The following BCAS2 variants were observed in gnomAD, a reference collection of about 807,000 sequenced individuals.
BCAS2 encodes the protein BCAS2 pre-mRNA processing factor.
In BCAS2, 34 loss-of-function variants were observed where a neutral mutation model predicts 35.3. That is an observed-to-expected ratio of 0.96 (90% CI 0.73 to 1.28). The LOEUF (loss-of-function observed/expected upper bound fraction) is 1.28. Among genes scored for constraint, BCAS2 ranks in the 50% most tolerant of loss-of-function variants. The pLI, the probability that BCAS2 is intolerant of heterozygous loss-of-function variation, is 0.00. For missense variants in BCAS2, 221 were observed against 268.1 expected, an observed-to-expected ratio of 0.82 and a Z score of 1.23; for synonymous variants, 75 against 91.6, an observed-to-expected ratio of 0.82 and a Z score of 1.03.
chr1:114,575,482 A>T (rs1235726022), intron 4 of BCAS2, 108 bp downstream of exon 4: 2 of 1,138,048 alleles, frequency 1.8e-6, no homozygotes, highest in East Asian at 2.7e-5. Flanking sequence ...GGCATGAGCC[A>T]CTGCACCCAG....
At position 114,567,800 on chromosome 1, in the gene BCAS2, T is replaced by C. The variant is rs917617249; in HGVS notation, c.*330A>G. On this transcript the variant is annotated 3_prime_UTR_variant, in exon 7 of 7. Transcript: ENST00000369541. ...CCAAAAATTTCCAACTTCCTGTACA[T>C]GTTGAAAGCTTTAAATAAGGATCCT... The C allele has an allele frequency of 3.2e-5, 6 of 189,672 alleles. No homozygotes were observed. In the East Asian group the frequency reaches 5.1e-4, roughly 16 times the overall value. The allele number at this position is 189,672 out of a possible 1,614,324, so 11.7% of individuals were successfully genotyped here.
At chr1:114,569,875 A>T in intron 6 of BCAS2, 117 bp downstream of exon 6, 1 of 778,604 alleles carries the variant, frequency 1.3e-6, no homozygotes, top group Non-Finnish European at 2.1e-6. Flanking sequence ...GAATTCAGAA[A>T]ATAGCATTTC....
chr1:114,573,349 C>CT (rs68165289), intron 4 of BCAS2, among the ~76,000 whole-genome samples: 2 of 150,540 alleles, frequency 1.3e-5, no homozygotes, highest in Non-Finnish European at 3.0e-5. Flanking sequence ...CTTTTTTTTT[C>CT]TTTTTTTTGA....
chr1:114,568,755 C>CTTTTTTTTTT (rs67319421), intron 6 of BCAS2, among the ~76,000 whole-genome samples: 2 of 83,246 alleles, frequency 2.4e-5, no homozygotes, highest in African/African-American at 4.5e-5. Flanking sequence ...TCTCTGTATT[C>CTTTTTTTTTT]TTTTTTTTTT....
In BCAS2 at chr1:114,568,160, T is replaced by C. The variant is rs367913663; in HGVS notation, c.648A>G (p.Ala216=). 1.9e-6 allele frequency: 3 copies of C among 1,613,124 alleles called. No individual in the cohort carries two copies. Among genetic ancestry groups the C allele is most frequent in the Non-Finnish European group, 2.5e-6 (3 of 1,180,008 alleles). ...IYQIKQQHGE[A]NKENIRQDF is the part of the protein sequence containing the mutation. ...AGTCTTGCCGGATGTTTTCTTTGTT[T>C]GCCTCTCCATGTTGCTGCTTAATTT... is the stretch of plus-strand genomic sequence containing the variant. Residue 216 remains alanine (A), a synonymous_variant, in exon 7 of 7, where the codon GCA becomes GCG. Transcript: ENST00000369541.
intron 1 of BCAS2, 47 bp downstream of exon 1, chr1:114,581,452 C>T: frequency 6.2e-7 from 1 of 1,613,940 alleles, no homozygotes; most frequent in African/African-American, 1.3e-5. Flanking sequence ...TCTTTCAGTA[C>T]CGAGCCAGCT....
intron 2 of BCAS2, among the ~76,000 whole-genome samples, chr1:114,579,534 T>C (rs1654839257): frequency 2.6e-5 from 4 of 152,286 alleles, no homozygotes; most frequent in South Asian, 4.1e-4. Context: ...AGAAAAAGCA[T>C]AGGAAAACAC....
chr1:114,574,534 A>C (rs141805150), intron 4 of BCAS2, among the ~76,000 whole-genome samples: 1 of 152,380 alleles, frequency 6.6e-6, no homozygotes, highest in Non-Finnish European at 1.5e-5. Context: ...GAATATGTAT[A>C]TATTTCCCCT....
At chr1:114,572,934 G>A (rs1654675578) in intron 4 of BCAS2, among the ~76,000 whole-genome samples, 1 of 151,928 alleles carries the variant, frequency 6.6e-6, no homozygotes, top group African/African-American at 2.4e-5. Context: ...CCAACATGGT[G>A]AAACCCCGTC....
Position 114,570,756 on chromosome 1 carries a change from G to C in BCAS2, c.420-6C>G. On this transcript the variant is annotated splice_region_variant and splice_polypyrimidine_tract_variant and intron_variant, in intron 4 of 6. Coordinates refer to ENST00000369541, the MANE Select transcript of BCAS2 (RefSeq NM_005872.3). ...CAATCATATGAACTAGATTTCTGAA[G>C]GAAAAGAGGAAAATCAGATTAAAAT... is the stretch of plus-strand genomic sequence containing the variant. The C allele has an allele frequency of 6.4e-7, 1 of 1,566,238 alleles. No homozygotes were observed. Among genetic ancestry groups the C allele is most frequent in the Non-Finnish European group, 8.7e-7 (1 of 1,146,384 alleles).
rs11312455 is a variant in BCAS2 at position 114,579,928 on chromosome 1, C to CT, written c.186+1370dup. On this transcript the variant is annotated intron_variant, in intron 2 of 6. Coordinates refer to ENST00000369541, the MANE Select transcript of BCAS2 (RefSeq NM_005872.3). Reference sequence around the variant, plus strand: ...CATGTTACTTTAATGTAAATAATATCTTTTTTTTTTTTTTTCCCTTTGAGA... The same window carrying CT: ...CATGTTACTTTAATGTAAATAATATCTTTTTTTTTTTTTTTTCCCTTTGAGA... Among the ~76,000 whole-genome samples, 1,163 of 143,074 alleles carry CT rather than the reference C, an allele frequency of 8.1e-3. 8 individuals are homozygous for CT. Among genetic ancestry groups the CT allele is most frequent in the Non-Finnish European group, 0.012 (760 of 64,948 alleles). The allele number at this position is 143,074 out of a possible 152,430, so 93.9% of individuals were successfully genotyped here.
intron 6 of BCAS2, 37 bp from the exon 7 acceptor site, chr1:114,568,293 A>G (rs759787077): frequency 2.6e-5 from 41 of 1,597,126 alleles, no homozygotes; most frequent in South Asian, 2.3e-4. Context: ...AAATTACTCA[A>G]TGTAAAACTT....
At chr1:114,580,278 G>GTTA in intron 2 of BCAS2, among the ~76,000 whole-genome samples, 1 of 152,058 alleles carries the variant, frequency 6.6e-6, no homozygotes, top group Non-Finnish European at 1.5e-5. Context: ...TAGGTATAAT[G>GTTA]GGAAAAAATC....
chr1:114,579,147 G>A (rs1222638019), intron 2 of BCAS2, among the ~76,000 whole-genome samples: 5 of 152,092 alleles, frequency 3.3e-5, no homozygotes, highest in South Asian at 2.1e-4. Flanking sequence ...ATGGTAGTGC[G>A]TGCCTGTAAT....
intron 6 of BCAS2, among the ~76,000 whole-genome samples, chr1:114,568,655 C>T (rs1654576437): frequency 6.6e-6 from 1 of 151,284 alleles, no homozygotes; most frequent in Non-Finnish European, 1.5e-5. Context: ...GCATGAGCTA[C>T]CATGCCTGGC....
At chr1:114,570,172 C>T in intron 5 of BCAS2, 100 bp from the exon 6 acceptor site, 1 of 810,114 alleles carries the variant, frequency 1.2e-6, no homozygotes, top group Non-Finnish European at 2.0e-6. Context: ...CCCATGAGAA[C>T]AATATTATGT....
intron 5 of BCAS2, among the ~76,000 whole-genome samples, chr1:114,570,333 T>A (rs1654613929): frequency 6.6e-6 from 1 of 152,050 alleles, no homozygotes; most frequent in Non-Finnish European, 1.5e-5. Flanking sequence ...CTCATGCATG[T>A]CTCCTTTTTC....
At chr1:114,573,136 A>C (rs889637854) in intron 4 of BCAS2, among the ~76,000 whole-genome samples, 7 of 131,272 alleles carry the variant, frequency 5.3e-5, no homozygotes, top group East Asian at 4.9e-4. Context: ...AAAAAAAAAA[A>C]AAAAAAAAAA....
chr1:114,578,083 C>T (rs959041905), intron 2 of BCAS2, among the ~76,000 whole-genome samples: 4 of 151,942 alleles, frequency 2.6e-5, no homozygotes, highest in East Asian at 1.9e-4. Flanking sequence ...CCCAGATACT[C>T]GGAGGCTGAG....
Sources: allele counts gnomAD v4.1 joint callset (sites outside exome capture counted in the v4.1 genomes callset), GRCh38; gene constraint gnomAD v4.1.1; transcripts MANE v1.5; gene names NCBI Gene and HGNC (gene_info 2026-07-23, HGNC 2026-07-21).